HSD17B12: variants seen among roughly 807,000 people sequenced by gnomAD.
HSD17B12 encodes the protein hydroxysteroid 17-beta dehydrogenase 12, also known as very-long-chain 3-oxoacyl-CoA reductase.
HSD17B12 carries 32 observed loss-of-function variants against 39.3 expected under a neutral mutation model. The observed-to-expected ratio is 0.81, with a 90% CI of 0.61 to 1.09. The LOEUF (loss-of-function observed/expected upper bound fraction) is 1.09. HSD17B12 is among the 50% of genes least tolerant of loss of function. The pLI, the probability that HSD17B12 is intolerant of heterozygous loss-of-function variation, is 0.00. For missense variants in HSD17B12, 342 were observed against 382.9 expected, an observed-to-expected ratio of 0.89 and a Z score of 0.89; for synonymous variants, 150 against 146.7, an observed-to-expected ratio of 1.02 and a Z score of -0.16.
chr11:43,593,226 C>T, the HSD17B12 span, among the ~76,000 whole-genome samples: 6 of 152,154 alleles, frequency 3.9e-5, no homozygotes, highest in Admixed American at 6.5e-5. Context: ...AATGTTAGAA[C>T]GGTCTCATGT....
chr11:43,805,715 TTGTAATAC>T (rs1951011729), intron 4 of HSD17B12, among the ~76,000 whole-genome samples: 1 of 152,162 alleles, frequency 6.6e-6, no homozygotes, highest in Non-Finnish European at 1.5e-5. Context: ...AACTTCCCTT[TTGTAATAC>T]TGCAATCACA....
At chr11:43,769,441 A>T (rs1950628809) in intron 3 of HSD17B12, among the ~76,000 whole-genome samples, 1 of 152,258 alleles carries the variant, frequency 6.6e-6, no homozygotes, top group African/African-American at 2.4e-5. Context: ...TTATGAGGAC[A>T]CTGAGACCTG....
chr11:43,747,506 C>T (rs896695298), intron 1 of HSD17B12, among the ~76,000 whole-genome samples: 2 of 152,100 alleles, frequency 1.3e-5, no homozygotes, highest in East Asian at 1.9e-4. Flanking sequence ...CACAAGAGGC[C>T]TCTGAGGAGG....
At chr11:43,656,824 T>G in the HSD17B12 span, among the ~76,000 whole-genome samples, 4 of 152,216 alleles carry the variant, frequency 2.6e-5, no homozygotes, top group Non-Finnish European at 4.4e-5. Context: ...CTTCCAACTA[T>G]GTGGTCAATT....
At chr11:43,693,028 T>G (rs760754941) in intron 1 of HSD17B12, among the ~76,000 whole-genome samples, 2 of 152,164 alleles carry the variant, frequency 1.3e-5, no homozygotes, top group Non-Finnish European at 2.9e-5. Context: ...AAGAGAATCA[T>G]GATAGAATAG....
the HSD17B12 span, among the ~76,000 whole-genome samples, chr11:43,667,115 G>A: frequency 6.6e-6 from 1 of 152,076 alleles, no homozygotes; most frequent in Non-Finnish European, 1.5e-5. Flanking sequence ...AGAGATAACT[G>A]ATACACTATA....
intron 1 of HSD17B12, among the ~76,000 whole-genome samples, chr11:43,711,543 C>A (rs72908869): frequency 5.3e-5 from 8 of 149,842 alleles, no homozygotes; most frequent in Admixed American, 1.3e-4. Flanking sequence ...GGTACAATCA[C>A]GGCTTACTGT....
intron 1 of HSD17B12, among the ~76,000 whole-genome samples, chr11:43,723,881 C>T (rs185827966): frequency 3.9e-5 from 6 of 152,266 alleles, no homozygotes; most frequent in African/African-American, 1.4e-4. Flanking sequence ...TCACATAGAC[C>T]AGATTTTGTT....
At chr11:43,754,991 G>A in intron 3 of HSD17B12, 2 of 648,536 alleles carry the variant, frequency 3.1e-6, no homozygotes, top group Non-Finnish European at 2.8e-6. Flanking sequence ...ACTAACTGAT[G>A]TCCCCAGTTT....
At chr11:43,820,388 C>T (rs1951170230) in intron 6 of HSD17B12, among the ~76,000 whole-genome samples, 1 of 152,220 alleles carries the variant, frequency 6.6e-6, no homozygotes, top group Non-Finnish European at 1.5e-5. Context: ...AGGTTTAGGA[C>T]TCTTTGGTGC....
At chr11:43,735,768 G>T (rs1451288075) in intron 1 of HSD17B12, among the ~76,000 whole-genome samples, 1 of 152,144 alleles carries the variant, frequency 6.6e-6, no homozygotes, top group Non-Finnish European at 1.5e-5. Context: ...AAGAAAAGAG[G>T]TTTAATTGAC....
Position 43,755,847 on chromosome 11 carries a change from G to A in HSD17B12, c.283+1726G>A, listed in dbSNP as rs570820719. Among the ~76,000 whole-genome samples the A allele has an allele frequency of 7.2e-5, 11 of 152,248 alleles. No individual in the cohort carries two copies. In the South Asian group the frequency reaches 2.3e-3, roughly 32 times the overall value. ...GTATTCGTCTGTTTTTCATGCTGCT[G>A]ATAAAGACATACCTGAGACTGGGTA... is the stretch of plus-strand genomic sequence containing the variant. On this transcript the variant is annotated intron_variant, in intron 3 of 10. Coordinates refer to ENST00000278353, the MANE Select transcript of HSD17B12 (RefSeq NM_016142.3).
chr11:43,816,724 C>A (rs1951126764), intron 6 of HSD17B12, among the ~76,000 whole-genome samples: 1 of 151,996 alleles, frequency 6.6e-6, no homozygotes, highest in African/African-American at 2.4e-5. Context: ...ATCACTCAAG[C>A]AGTATACTCT....
chr11:43,666,319 C>T, the HSD17B12 span, among the ~76,000 whole-genome samples: 1 of 152,158 alleles, frequency 6.6e-6, no homozygotes, highest in Non-Finnish European at 1.5e-5. Flanking sequence ...TCCTCCCAAC[C>T]TCAGCTCCCC....
the HSD17B12 span, among the ~76,000 whole-genome samples, chr11:43,619,214 AAAT>A: frequency 3.3e-4 from 12 of 35,848 alleles, no homozygotes; most frequent in African/African-American, 7.1e-4. Context: ...TATATATATA[AAAT>A]ATATATATAT....
the HSD17B12 span, among the ~76,000 whole-genome samples, chr11:43,583,350 G>T: frequency 1.3e-5 from 2 of 152,262 alleles, no homozygotes; most frequent in South Asian, 2.1e-4. Context: ...TCCTCGCCTC[G>T]CCTCGCCTCG....
chr11:43,736,208 C>T (rs186248942), intron 1 of HSD17B12, among the ~76,000 whole-genome samples: 6 of 152,140 alleles, frequency 3.9e-5, no homozygotes, highest in African/African-American at 1.2e-4. Context: ...TATGGTGCCA[C>T]CAGAAGGAAT....
intron 1 of HSD17B12, among the ~76,000 whole-genome samples, chr11:43,738,946 T>G (rs1257520743): frequency 6.6e-6 from 1 of 152,238 alleles, no homozygotes; most frequent in Non-Finnish European, 1.5e-5. Flanking sequence ...AAATGTTACC[T>G]ATTGCTCTTT....
At chr11:43,574,314 T>G in the HSD17B12 span, among the ~76,000 whole-genome samples, 1 of 152,210 alleles carries the variant, frequency 6.6e-6, no homozygotes, top group Non-Finnish European at 1.5e-5. Context: ...GGAAAAGTGT[T>G]TACTGGCATC....
Sources: allele counts gnomAD v4.1 joint callset (sites outside exome capture counted in the v4.1 genomes callset), GRCh38; gene constraint gnomAD v4.1.1; transcripts MANE v1.5; gene names NCBI Gene and HGNC (gene_info 2026-07-23, HGNC 2026-07-21).